SREBF2: variants seen among roughly 807,000 people sequenced by gnomAD.
SREBF2 encodes sterol regulatory element binding transcription factor 2.
In SREBF2, 55 loss-of-function variants were observed where a neutral mutation model predicts 113.1. The observed-to-expected ratio is 0.49, with a 90% CI of 0.39 to 0.61. The LOEUF (loss-of-function observed/expected upper bound fraction) is 0.61, where lower values mean the gene tolerates loss of function less well. SREBF2 is among the 20% of genes least tolerant of loss of function. SREBF2 has a pLI of 0.00. For missense variants in SREBF2, 1,349 were observed against 1,487.4 expected, an observed-to-expected ratio of 0.91 and a Z score of 1.53; for synonymous variants, 593 against 605.7, an observed-to-expected ratio of 0.98 and a Z score of 0.31.
chr22:41,837,557 A>T (rs1333017020), intron 1 of SREBF2, among the ~76,000 whole-genome samples: 4 of 102,332 alleles, frequency 3.9e-5, no homozygotes, highest in Non-Finnish European at 5.5e-5. Context: ...GACTCTGTCT[A>T]AAAAAAAAAA....
chr22:41,855,489 T>A (rs1385817001), intron 1 of SREBF2, among the ~76,000 whole-genome samples: 1 of 152,096 alleles, frequency 6.6e-6, no homozygotes, highest in Non-Finnish European at 1.5e-5. Flanking sequence ...GCCACTGCAC[T>A]CCAGCCTGGG....
At chr22:41,844,862 A>C (rs1042511279) in intron 1 of SREBF2, among the ~76,000 whole-genome samples, 1 of 151,754 alleles carries the variant, frequency 6.6e-6, no homozygotes, top group East Asian at 1.9e-4. Flanking sequence ...GAGGCCTTAC[A>C]CTTTACCCAA....
At chr22:41,847,665 T>C (rs1457633455) in intron 1 of SREBF2, among the ~76,000 whole-genome samples, 2 of 152,216 alleles carry the variant, frequency 1.3e-5, no homozygotes, top group African/African-American at 4.8e-5. Context: ...TGGGTGACAT[T>C]AGACAAGTTA....
intron 4 of SREBF2, among the ~76,000 whole-genome samples, chr22:41,873,080 C>G (rs1412625325): frequency 6.6e-6 from 1 of 152,086 alleles, no homozygotes; most frequent in East Asian, 1.9e-4. Flanking sequence ...GCCTGTAATC[C>G]AAGCTACTCG....
intron 1 of SREBF2, among the ~76,000 whole-genome samples, chr22:41,859,475 G>T (rs1343513912): frequency 1.3e-5 from 2 of 152,170 alleles, no homozygotes; most frequent in Non-Finnish European, 2.9e-5. Flanking sequence ...ATGGTTTTCT[G>T]CACTTCCTAG....
chr22:41,859,748 G>A (rs1212290641), intron 1 of SREBF2, among the ~76,000 whole-genome samples: 2 of 149,470 alleles, frequency 1.3e-5, no homozygotes, highest in Non-Finnish European at 3.0e-5. Flanking sequence ...AAAAACTGCA[G>A]CTGAAAGAGG....
chr22:41,868,461 G>A (rs1296428002), intron 2 of SREBF2, 150 bp from the exon 3 acceptor site: 6 of 894,890 alleles, frequency 6.7e-6, no homozygotes, highest in Non-Finnish European at 1.1e-5. Context: ...TGTTGTCTAA[G>A]CCACCTTGTA....
intron 1 of SREBF2, among the ~76,000 whole-genome samples, chr22:41,864,307 A>C (rs1263388221): frequency 9.4e-6 from 1 of 106,160 alleles, no homozygotes; most frequent in African/African-American, 4.1e-5. Flanking sequence ...ATATATATAT[A>C]TGTATATATA....
chr22:41,841,313 G>A (rs1391026032), intron 1 of SREBF2, among the ~76,000 whole-genome samples: 1 of 152,230 alleles, frequency 6.6e-6, no homozygotes, highest in African/African-American at 2.4e-5. Context: ...TGACACTGGA[G>A]TATATATGAG....
chr22:41,900,236 G>T, intron 15 of SREBF2, 94 bp from the exon 16 acceptor site: 3 of 1,565,502 alleles, frequency 1.9e-6, no homozygotes, highest in South Asian at 2.3e-5. Context: ...TGTCATATCA[G>T]TGTGGGGCGT....
chr22:41,833,716 G>A lies in SREBF2; in HGVS notation c.88+358G>A. 1.0e-5 allele frequency: 2 copies of A among 195,056 alleles called. No individual in the cohort carries two copies. The highest frequency in any genetic ancestry group is 2.1e-5 in the Non-Finnish European group (2 of 95,918). The allele number at this position is 195,056 out of a possible 1,614,324, so 12.1% of individuals were successfully genotyped here. On this transcript the variant is annotated intron_variant, in intron 1 of 18. Transcript: ENST00000361204. The surrounding 1 kb of genome is among the most constrained non-coding windows in gnomAD (Gnocchi z 4.1). ...CGCCCACACGCGGTTTCCGTGGTCC[G>A]CTCTCCCGCCGCCCGCGACCGCGCG...
At chr22:41,849,803 C>A (rs925139733) in intron 1 of SREBF2, among the ~76,000 whole-genome samples, 7 of 152,104 alleles carry the variant, frequency 4.6e-5, no homozygotes, top group African/African-American at 1.7e-4. Flanking sequence ...TACATGTTCA[C>A]CCTGAGATTG....
intron 1 of SREBF2, among the ~76,000 whole-genome samples, chr22:41,863,342 C>T (rs896254614): frequency 8.5e-5 from 13 of 152,238 alleles, no homozygotes; most frequent in African/African-American, 2.7e-4. Flanking sequence ...GGCCTTCTGC[C>T]CTCCTTAGCT....
chr22:41,851,152 A>T (rs563415424), intron 1 of SREBF2, among the ~76,000 whole-genome samples: 1 of 152,308 alleles, frequency 6.6e-6, no homozygotes, highest in Non-Finnish European at 1.5e-5. Context: ...ACATGAATGA[A>T]TTTAATTTCA....
At chr22:41,862,101 G>C (rs2077032941) in intron 1 of SREBF2, among the ~76,000 whole-genome samples, 1 of 151,790 alleles carries the variant, frequency 6.6e-6, no homozygotes, top group Admixed American at 6.6e-5. Context: ...CTATTTGGAG[G>C]CTTCACATTC....
Position 41,878,432 on chromosome 22 carries a change from G to A in SREBF2, c.1761+309G>A, listed in dbSNP as rs574053309. On this transcript the variant is annotated intron_variant, in intron 9 of 18. Transcript: ENST00000361204. Reference sequence around the variant, plus strand: ...AGGTGGCAGAAGGACCTTCCAACCCGAACACATGAATGGACAGGCTGTTTG... The same window carrying A: ...AGGTGGCAGAAGGACCTTCCAACCCAAACACATGAATGGACAGGCTGTTTG... Among the ~76,000 whole-genome samples, 56 of 152,138 alleles carry A rather than the reference G, an allele frequency of 3.7e-4. 1 individual carries two copies. Among genetic ancestry groups the A allele is most frequent in the Non-Finnish European group, 1.3e-4 (9 of 68,024 alleles).
chr22:41,900,292 A>T (rs746778890), intron 15 of SREBF2, 38 bp from the exon 16 acceptor site: 4 of 1,604,652 alleles, frequency 2.5e-6, no homozygotes, highest in African/African-American at 1.3e-5. Context: ...CAGGTGACAC[A>T]TAGTGACCTG....
chr22:41,845,258 G>C (rs1164687259), intron 1 of SREBF2, among the ~76,000 whole-genome samples: 1 of 152,060 alleles, frequency 6.6e-6, no homozygotes, highest in Non-Finnish European at 1.5e-5. Context: ...CATTTTCCAT[G>C]GACATAGATG....
rs1397155420 is a variant in SREBF2 at position 41,895,679 on chromosome 22, G to A, written c.2495+742G>A. ...TTGAACTCCTGATCTCGGGCAATCC[G>A]CCTGCCTCGGCCTCCCAAAGTGCTG... On this transcript the variant is annotated intron_variant, in intron 13 of 18. Coordinates refer to ENST00000361204, the MANE Select transcript of SREBF2 (RefSeq NM_004599.4). 3.3e-5 allele frequency among the ~76,000 whole-genome samples: 5 copies of A among 151,842 alleles called. 1 individual carries two copies. The highest frequency in any genetic ancestry group is 1.2e-4 in the African/African-American group (5 of 41,374).
Sources: allele counts gnomAD v4.1 joint callset (sites outside exome capture counted in the v4.1 genomes callset), GRCh38; gene constraint gnomAD v4.1.1; non-coding constraint Gnocchi (gnomAD v3.1); transcripts MANE v1.5; gene names NCBI Gene and HGNC (gene_info 2026-07-23, HGNC 2026-07-21).